The following CADM2 variants were observed in gnomAD, a reference collection of about 807,000 sequenced individuals.
CADM2 encodes the protein immunoglobulin superfamily member 4D.
In CADM2, 12 loss-of-function variants were observed where a neutral mutation model predicts 49.8. That is an observed-to-expected ratio of 0.24 (90% confidence interval 0.15 to 0.39). CADM2 has a LOEUF of 0.39. Ranked by LOEUF, CADM2 falls within the 10% of genes least tolerant of loss-of-function variation. CADM2 has a pLI of 1.00. For missense variants in CADM2, 378 were observed against 492.3 expected (o/e 0.77, Z 2.20); for synonymous variants, 214 against 175.4 (o/e 1.22, Z -1.74).
intron 1 of CADM2, among the ~76,000 whole-genome samples, chr3:85,318,222 CAGCATTAAAAAATAA>C (rs1322783407): frequency 1.3e-5 from 2 of 150,326 alleles, no homozygotes; most frequent in Non-Finnish European, 3.0e-5. Flanking sequence ...CACATAGGTG[CAGCATTAAAAAATAA>C]ATGGGGGGTT....
At chr3:85,893,654 A>G (rs1376180934) in intron 5 of CADM2, among the ~76,000 whole-genome samples, 1 of 152,214 alleles carries the variant, frequency 6.6e-6, no homozygotes, top group African/African-American at 2.4e-5. Context: ...TTACAAGAAA[A>G]AAACAAACAA....
At chr3:86,041,830 G>C (rs1295933524) in intron 8 of CADM2, among the ~76,000 whole-genome samples, 2 of 152,152 alleles carry the variant, frequency 1.3e-5, no homozygotes, top group African/African-American at 4.8e-5. Flanking sequence ...ATAGTTGGAA[G>C]TAAAACACTC....
At chr3:85,062,495 C>CT (rs2107448346) in intron 1 of CADM2, among the ~76,000 whole-genome samples, 1 of 151,882 alleles carries the variant, frequency 6.6e-6, no homozygotes, top group East Asian at 1.9e-4. Context: ...CCTGGAAAGA[C>CT]TTAAAGGACA....
At chr3:85,757,934 TTTA>T (rs535396626) in intron 2 of CADM2, among the ~76,000 whole-genome samples, 178 of 152,228 alleles carry the variant, frequency 1.2e-3, no homozygotes, top group African/African-American at 4.3e-3. Context: ...AAATGGAAGT[TTTA>T]TAGATTTCGC....
chr3:85,037,425 G>A (rs187386313), intron 1 of CADM2, among the ~76,000 whole-genome samples: 8 of 152,196 alleles, frequency 5.3e-5, no homozygotes, highest in African/African-American at 1.4e-4. Flanking sequence ...ACTCTTGAAC[G>A]TACAAGCTCT....
At chr3:85,680,424 A>T (rs914881443) in intron 1 of CADM2, among the ~76,000 whole-genome samples, 10 of 152,152 alleles carry the variant, frequency 6.6e-5, no homozygotes, top group African/African-American at 2.4e-4. Flanking sequence ...CTTTCTATGA[A>T]CAGCTATATA....
intron 8 of CADM2, among the ~76,000 whole-genome samples, chr3:86,026,455 T>G (rs1733917917): frequency 6.6e-6 from 1 of 152,134 alleles, no homozygotes; most frequent in Admixed American, 6.6e-5. Context: ...GTAGCATTGG[T>G]AGATGAAACC....
chr3:85,692,719 T>A (rs2066423058), intron 1 of CADM2, among the ~76,000 whole-genome samples: 1 of 152,222 alleles, frequency 6.6e-6, no homozygotes, highest in Non-Finnish European at 1.5e-5. Context: ...TGGTTACTCA[T>A]CACCAGTTAT....
In CADM2 at chr3:85,123,388, A is replaced by G. The variant is rs910053821; in HGVS notation, c.61+163720A>G. ...TCATAAGATTTATGTGTAAAAACGT[A>G]TAATTTTATTGTAATCTTTTTTGGT... On this transcript the variant is annotated intron_variant, in intron 1 of 9. Coordinates refer to ENST00000383699, the MANE Select transcript of CADM2 (RefSeq NM_001167675.2). 2.4e-4 allele frequency among the ~76,000 whole-genome samples: 36 copies of G among 152,136 alleles called. 2 individuals carry two copies.
chr3:85,984,134 G>T (rs1228385282), intron 8 of CADM2, among the ~76,000 whole-genome samples: 1 of 148,830 alleles, frequency 6.7e-6, no homozygotes, highest in Non-Finnish European at 1.5e-5. Context: ...CAATTATTCC[G>T]ATTATATATT....
chr3:85,766,415 G>T (rs2107923676), intron 2 of CADM2, among the ~76,000 whole-genome samples: 1 of 152,262 alleles, frequency 6.6e-6, no homozygotes, highest in South Asian at 2.1e-4. Flanking sequence ...TTCTAAAACT[G>T]TTCAGATGGA....
chr3:85,230,527 C>T (rs143802282), intron 1 of CADM2, among the ~76,000 whole-genome samples: 100 of 152,204 alleles, frequency 6.6e-4, no homozygotes, highest in African/African-American at 2.2e-3. Flanking sequence ...ATTGTTAATT[C>T]GTTCAAATTA....
chr3:85,990,224 AT>A (rs1440836538), intron 8 of CADM2, among the ~76,000 whole-genome samples: 3 of 152,026 alleles, frequency 2.0e-5, no homozygotes, highest in Middle Eastern at 3.4e-3. Context: ...CAATACAACC[AT>A]TTTGTTTTTC....
At chr3:85,381,590 A>T (rs200818196) in intron 1 of CADM2, among the ~76,000 whole-genome samples, 5 of 147,958 alleles carry the variant, frequency 3.4e-5, no homozygotes, top group African/African-American at 7.4e-5. Context: ...GCCATTCCTT[A>T]TTTTTTTTTT....
At chr3:86,061,560 C>T (rs1738651135) in intron 8 of CADM2, among the ~76,000 whole-genome samples, 1 of 152,022 alleles carries the variant, frequency 6.6e-6, no homozygotes, top group African/African-American at 2.4e-5. Context: ...GGTTAGATGA[C>T]AATAAAGATT....
At chr3:85,216,170 TATA>T (rs1411273441) in intron 1 of CADM2, among the ~76,000 whole-genome samples, 3 of 151,650 alleles carry the variant, frequency 2.0e-5, no homozygotes, top group Non-Finnish European at 4.4e-5. Flanking sequence ...CCTCCTTCCC[TATA>T]ATATTGTTTT....
At chr3:85,853,471 A>C (rs1049768145) in intron 3 of CADM2, among the ~76,000 whole-genome samples, 5 of 152,080 alleles carry the variant, frequency 3.3e-5, no homozygotes, top group African/African-American at 1.2e-4. Context: ...TAAATGTATC[A>C]AATTATAAAA....
chr3:85,358,876 A>G lies in CADM2; in HGVS notation c.62-367646A>G, dbSNP rs567614109. Among the ~76,000 whole-genome samples, 7 of 152,272 alleles carry G rather than the reference A, an allele frequency of 4.6e-5. No individual in the cohort carries two copies. The South Asian group carries it at 1.4e-3, about 32-fold the overall frequency. ...TTTTAATGAACGATTGAAGCTGCAAATAGGAAATAATCTTGTAGTTAGTGG... is the reference window on the plus strand; with the variant it reads ...TTTTAATGAACGATTGAAGCTGCAAGTAGGAAATAATCTTGTAGTTAGTGG... On this transcript the variant is annotated intron_variant, in intron 1 of 9. Transcript: ENST00000383699.
intron 1 of CADM2, among the ~76,000 whole-genome samples, chr3:85,565,227 G>GAA: frequency 2.3e-5 from 1 of 42,958 alleles, no homozygotes; most frequent in Non-Finnish European, 1.0e-4. Context: ...TAGTCGAGAA[G>GAA]AAAAAAAATA....
Sources: gnomAD v4.1 joint callset for allele counts (sites outside exome capture counted in the v4.1 genomes callset) on GRCh38, gnomAD v4.1.1 for gene constraint, MANE v1.5 for transcripts, NCBI Gene and HGNC (gene_info 2026-07-23, HGNC 2026-07-21) for gene names.